The following DPYD variants were observed in gnomAD, a reference collection of about 807,000 sequenced individuals.
DPYD encodes the protein dihydropyrimidine dehydrogenase, also known as dihydropyrimidine dehydrogenase [NADP(+)].
In DPYD, 109 loss-of-function variants were observed where a neutral mutation model predicts 116.2. The observed-to-expected ratio is 0.94, with a 90% confidence interval of 0.80 to 1.10. DPYD has a LOEUF of 1.10. Ranked by LOEUF, DPYD falls within the 50% of genes least tolerant of loss-of-function variation. The pLI, the probability that DPYD is intolerant of heterozygous loss-of-function variation, is 0.00. For missense variants in DPYD, 1,302 were observed against 1,254.5 expected (o/e 1.04, Z -0.57); for synonymous variants, 440 against 432.0 (o/e 1.02, Z -0.23).
At chr1:97,843,731 GA>G (rs1255450693) in intron 2 of DPYD, among the ~76,000 whole-genome samples, 2 of 152,086 alleles carry the variant, frequency 1.3e-5, no homozygotes, top group Non-Finnish European at 1.5e-5. Context: ...GCATTTGTAT[GA>G]ATTTGATCTG....
intron 16 of DPYD, among the ~76,000 whole-genome samples, chr1:97,321,785 G>A (rs1570515014): frequency 1.9e-5 from 1 of 53,610 alleles, no homozygotes; most frequent in Admixed American, 2.6e-4. Flanking sequence ...ACATGCACAC[G>A]TATGTTTATT....
At chr1:97,798,872 T>C (rs1386340659) in intron 3 of DPYD, among the ~76,000 whole-genome samples, 1 of 151,976 alleles carries the variant, frequency 6.6e-6, no homozygotes, top group Non-Finnish European at 1.5e-5. Context: ...ATGTACCAGA[T>C]AATAAAGGTG....
Position 97,078,818 on chromosome 1 carries a change from T to G in DPYD, c.*158A>C, listed in dbSNP as rs1648958375. 1.2e-6 allele frequency: 1 copy of G among 861,006 alleles called. No individual in the cohort carries two copies. The highest frequency in any genetic ancestry group is 1.6e-5 in the South Asian group (1 of 61,690). 53.3% of individuals were successfully genotyped at this position (861,006 alleles called of 1,614,324 possible). A position where few individuals can be genotyped will look rare whatever the true frequency, so the allele number is the denominator to read the frequency against. On this transcript the variant is annotated 3_prime_UTR_variant, in exon 23 of 23. Transcript: ENST00000370192. ...TTGAATGGTCATTGACATGAGACAT[T>G]TTTTACACTTACAAATGTATTTTGA...
At chr1:97,658,622 A>G (rs1192792145) in intron 8 of DPYD, among the ~76,000 whole-genome samples, 13 of 152,096 alleles carry the variant, frequency 8.5e-5, no homozygotes, top group Non-Finnish European at 1.9e-4. Flanking sequence ...CCCAAGTTCA[A>G]TCTCTAATCA....
At chr1:97,739,291 AAT>A (rs1422993797) in intron 4 of DPYD, among the ~76,000 whole-genome samples, 1 of 152,116 alleles carries the variant, frequency 6.6e-6, no homozygotes, top group Non-Finnish European at 1.5e-5. Flanking sequence ...TTCACATAAA[AAT>A]ATTATTCAGT....
At chr1:97,649,554 ATAC>A (rs1363527499) in intron 8 of DPYD, among the ~76,000 whole-genome samples, 1 of 152,096 alleles carries the variant, frequency 6.6e-6, no homozygotes, top group Non-Finnish European at 1.5e-5. Flanking sequence ...AAATCTGCTC[ATAC>A]TACAATTAAT....
At chr1:97,533,914 C>T (rs1174668945) in intron 12 of DPYD, among the ~76,000 whole-genome samples, 3 of 152,110 alleles carry the variant, frequency 2.0e-5, no homozygotes, top group East Asian at 1.9e-4. Flanking sequence ...AAACCCCAAG[C>T]ATGCTCATTT....
intron 18 of DPYD, among the ~76,000 whole-genome samples, chr1:97,302,718 A>G (rs1289864335): frequency 6.6e-6 from 1 of 152,022 alleles, no homozygotes; most frequent in East Asian, 1.9e-4. Context: ...ATTATGGCAT[A>G]TATAAGTGTA....
At chr1:97,625,260 T>C (rs950702385) in intron 8 of DPYD, among the ~76,000 whole-genome samples, 1 of 152,038 alleles carries the variant, frequency 6.6e-6, no homozygotes, top group African/African-American at 2.4e-5. Context: ...AATAAACTTT[T>C]ATAAATCAAG....
chr1:97,619,763 T>A (rs1656518494), intron 8 of DPYD, among the ~76,000 whole-genome samples: 1 of 152,150 alleles, frequency 6.6e-6, no homozygotes, highest in South Asian at 2.1e-4. Context: ...TTCTAGGAAA[T>A]TTGAAGGTAA....
At chr1:97,438,121 C>G (rs1020504272) in intron 14 of DPYD, among the ~76,000 whole-genome samples, 4 of 152,032 alleles carry the variant, frequency 2.6e-5, no homozygotes, top group Admixed American at 6.6e-5. Context: ...ACCAGACTAT[C>G]TCATTACTGT....
At chr1:97,468,595 C>A (rs964263647) in intron 13 of DPYD, among the ~76,000 whole-genome samples, 1 of 152,198 alleles carries the variant, frequency 6.6e-6, no homozygotes, top group Non-Finnish European at 1.5e-5. Context: ...AGAATCTAAC[C>A]CATCTATGAC....
chr1:97,577,100 T>C (rs1332879683), intron 10 of DPYD, among the ~76,000 whole-genome samples: 5 of 152,186 alleles, frequency 3.3e-5, no homozygotes, highest in Non-Finnish European at 7.3e-5. Flanking sequence ...CAGGGTAAAC[T>C]TGTATAGTGA....
chr1:97,493,176 C>G (rs1001305344), intron 13 of DPYD, among the ~76,000 whole-genome samples: 4 of 152,210 alleles, frequency 2.6e-5, no homozygotes, highest in African/African-American at 9.6e-5. Flanking sequence ...TCTAGCAAGA[C>G]ATTTTATAGT....
In DPYD at chr1:97,082,072, C is replaced by T. The variant is rs61788494; in HGVS notation, c.2907+258G>A. ...TTTCTCTTTTCAGTTGGATTTTTCT[C>T]TCTAATGTTGTGGCTGATGAAATGG... is the stretch of plus-strand genomic sequence containing the variant. On this transcript the variant is annotated intron_variant, in intron 22 of 22. Transcript: ENST00000370192. Among the ~76,000 whole-genome samples, 197 of 152,126 alleles carry T rather than the reference C, an allele frequency of 1.3e-3. 1 individual carries two copies. The highest frequency in any genetic ancestry group is 0.01 in the Middle Eastern group (3 of 294).
intron 11 of DPYD, among the ~76,000 whole-genome samples, chr1:97,560,490 C>A (rs956600351): frequency 5.9e-5 from 9 of 151,498 alleles, no homozygotes; most frequent in Admixed American, 2.0e-4. Flanking sequence ...GCTATTCTTC[C>A]CAGGTGTTTC....
At chr1:97,187,219 T>TC (rs1375767711) in intron 20 of DPYD, among the ~76,000 whole-genome samples, 2 of 152,176 alleles carry the variant, frequency 1.3e-5, no homozygotes, top group African/African-American at 2.4e-5. Flanking sequence ...CCCTTTTTTT[T>TC]CCCACATCCT....
chr1:97,305,418 A>G (rs2101037229), intron 17 of DPYD, 40 bp from the exon 18 acceptor site: 1 of 1,611,212 alleles, frequency 6.2e-7, no homozygotes, highest in South Asian at 1.1e-5. Context: ...AGCTCTTATA[A>G]GACACGATAG....
chr1:97,306,098 A>G, intron 17 of DPYD, 79 bp downstream of exon 17: 1 of 1,601,270 alleles, frequency 6.2e-7, no homozygotes, highest in Non-Finnish European at 8.5e-7. Context: ...GTTTGTAGGA[A>G]AAGACATACT....
Sources: gnomAD v4.1 joint callset for allele counts (sites outside exome capture counted in the v4.1 genomes callset) on GRCh38, gnomAD v4.1.1 for gene constraint, MANE v1.5 for transcripts, NCBI Gene and HGNC (gene_info 2026-07-23, HGNC 2026-07-21) for gene names.